Variants in IFT81 observed in about 807,000 individuals in gnomAD.
IFT81 encodes intraflagellar transport 81, also known as intraflagellar transport protein 81 homolog.
IFT81 carries 72 observed loss-of-function variants against 102.6 expected under a neutral mutation model. The ratio of observed to expected loss-of-function variants is 0.70; its 90% CI spans 0.58 to 0.85. The LOEUF (loss-of-function observed/expected upper bound fraction) is 0.85, where lower values mean the gene tolerates loss of function less well. Ranked by LOEUF, IFT81 falls within the 40% of genes least tolerant of loss-of-function variation. IFT81 has a pLI of 0.00. For missense variants in IFT81, 723 were observed against 787.3 expected (o/e 0.92, Z 0.98); for synonymous variants, 237 against 242.7 (o/e 0.98, Z 0.22).
intron 11 of IFT81, among the ~76,000 whole-genome samples, chr12:110,179,044 G>A (rs1442757386): frequency 1.3e-5 from 2 of 152,022 alleles, no homozygotes; most frequent in African/African-American, 4.8e-5. Flanking sequence ...TTGATATGAT[G>A]GGTAGGTAAA....
At chr12:110,184,257 G>A (rs1269827148) in intron 12 of IFT81, among the ~76,000 whole-genome samples, 1 of 152,162 alleles carries the variant, frequency 6.6e-6, no homozygotes, top group African/African-American at 2.4e-5. Context: ...GGCTGAGGCA[G>A]GAGAATGGCG....
intron 18 of IFT81, among the ~76,000 whole-genome samples, chr12:110,214,287 A>T (rs1336216767): frequency 6.0e-5 from 9 of 150,412 alleles, no homozygotes; most frequent in African/African-American, 2.2e-4. Flanking sequence ...TTTTTTTGAG[A>T]TAGAGACTCA....
intron 10 of IFT81, among the ~76,000 whole-genome samples, chr12:110,161,562 G>A (rs1248002725): frequency 6.6e-6 from 1 of 151,946 alleles, no homozygotes; most frequent in Non-Finnish European, 1.5e-5. Context: ...TCCTATCTCA[G>A]CCTGCCAAGT....
At chr12:110,181,301 G>A (rs770621002) in intron 12 of IFT81, among the ~76,000 whole-genome samples, 2 of 152,180 alleles carry the variant, frequency 1.3e-5, no homozygotes, top group Admixed American at 6.5e-5. Flanking sequence ...GATTCTAACA[G>A]CACTAACTTT....
rs11286720 is a variant in IFT81, at chr12:110,212,242, T to TAAAAA, written c.1848+3040_1848+3044dup. Among the ~76,000 whole-genome samples the TAAAAA allele has an allele frequency of 3.6e-5, 5 of 139,784 alleles. No individual in the cohort carries two copies. The East Asian group carries it at 1.1e-3, about 30-fold the overall frequency. 91.7% of individuals were successfully genotyped at this position (139,784 alleles called of 152,430 possible). On this transcript the variant is annotated intron_variant, in intron 18 of 18. Transcript: ENST00000242591. ...AATAAAGGTGATATGTTCCTTACTT[T>TAAAAA]AAAAAAAAAAAAAAAAAACTTGGCT...
At chr12:110,204,141 T>G in intron 15 of IFT81, 191 bp downstream of exon 15, 1 of 498,342 alleles carries the variant, frequency 2.0e-6, no homozygotes, top group Non-Finnish European at 3.6e-6. Flanking sequence ...AAAAAAAATG[T>G]TTTAAATACT....
intron 18 of IFT81, chr12:110,216,610 A>G: frequency 2.2e-6 from 1 of 451,302 alleles, no homozygotes; most frequent in Non-Finnish European, 4.4e-6. Context: ...TTCCAGGTTC[A>G]AGCAATTCTC....
intron 18 of IFT81, chr12:110,216,677 AT>A: frequency 2.3e-6 from 1 of 432,438 alleles, no homozygotes; most frequent in Non-Finnish European, 4.6e-6. Context: ...TGTCCGGCTA[AT>A]TTTTGTATTT....
intron 9 of IFT81, among the ~76,000 whole-genome samples, chr12:110,145,114 C>T (rs7134047): frequency 6.3e-4 from 94 of 150,076 alleles, no homozygotes; most frequent in African/African-American, 2.2e-3. Context: ...CTCACTGCAG[C>T]CTCCATCTCC....
chr12:110,135,039 C>G, intron 6 of IFT81, 26 bp downstream of exon 6: 17 of 1,550,256 alleles, frequency 1.1e-5, no homozygotes, highest in Non-Finnish European at 1.5e-5. Flanking sequence ...TACTGTAAGA[C>G]TTTGGCCCCA....
intron 11 of IFT81, among the ~76,000 whole-genome samples, chr12:110,165,829 C>T (rs1566135655): frequency 6.6e-6 from 1 of 152,142 alleles, no homozygotes; most frequent in African/African-American, 2.4e-5. Flanking sequence ...TCTTTATTAT[C>T]TCTAGGAAAG....
rs1365439707 is a variant in IFT81 at position 110,180,420 on chromosome 12, A to T, written c.1189-2A>T. 6 of 1,579,070 alleles carry T rather than the reference A, an allele frequency of 3.8e-6. No individual in the cohort carries two copies. Among genetic ancestry groups the T allele is most frequent in the Non-Finnish European group, 3.5e-6 (4 of 1,154,896 alleles). ...AGATTACATATTGTGTTTTTTTTAC[A>T]GTTCAAACGATATGTCAATAAACTT... On this transcript the variant is annotated splice_acceptor_variant, in intron 11 of 18. Transcript: ENST00000242591. LOFTEE classifies it high-confidence loss of function.
chr12:110,184,206 C>T (rs1044731243), intron 12 of IFT81, among the ~76,000 whole-genome samples: 26 of 151,986 alleles, frequency 1.7e-4, no homozygotes, highest in African/African-American at 5.3e-4. Context: ...AAAAATTATC[C>T]GGGCGTGGTG....
Position 110,143,559 on chromosome 12 carries a change from A to G in IFT81, c.945+14A>G, listed in dbSNP as rs1593293712. On this transcript the variant is annotated intron_variant, in intron 9 of 18. Coordinates refer to ENST00000242591, the MANE Select transcript of IFT81 (RefSeq NM_014055.4). ...CTTGAATCTAAAGTAAGTGAGAATC[A>G]TCTTTTTATAGCTCTCAATTTTATC... 1 of 1,531,858 alleles carries G rather than the reference A, an allele frequency of 6.5e-7. No homozygotes were observed. Among genetic ancestry groups the G allele is most frequent in the Middle Eastern group, 1.7e-4 (1 of 5,862 alleles). The allele number at this position is 1,531,858 out of a possible 1,614,324, so 94.9% of individuals were successfully genotyped here.
chr12:110,139,038 A>G (rs1014755236), intron 8 of IFT81, among the ~76,000 whole-genome samples: 1 of 152,142 alleles, frequency 6.6e-6, no homozygotes, highest in African/African-American at 2.4e-5. Flanking sequence ...AAATCGACAT[A>G]TAATAAACCA....
At chr12:110,215,579 G>A (rs536346949) in intron 18 of IFT81, among the ~76,000 whole-genome samples, 5 of 142,606 alleles carry the variant, frequency 3.5e-5, no homozygotes, top group South Asian at 2.2e-4. Context: ...TTCTTGCCTC[G>A]GCCTCCTGAG....
chr12:110,151,369 T>A (rs1353857860), intron 10 of IFT81, among the ~76,000 whole-genome samples: 1 of 152,240 alleles, frequency 6.6e-6, no homozygotes. Context: ...TCATTCCTTT[T>A]TAATTGCTGA....
intron 1 of IFT81, 122 bp from the exon 2 acceptor site, chr12:110,127,238 C>A: frequency 1.1e-6 from 1 of 951,324 alleles, no homozygotes; most frequent in Non-Finnish European, 1.5e-6. Flanking sequence ...CTTTTCACAG[C>A]ATTTTGTATG....
At chr12:110,137,688 A>G (rs1894602466) in intron 8 of IFT81, among the ~76,000 whole-genome samples, 1 of 152,096 alleles carries the variant, frequency 6.6e-6, no homozygotes, top group Admixed American at 6.6e-5. Context: ...GTGAGCCGAG[A>G]TCGCGCCATT....
Sources: gnomAD v4.1 joint callset for allele counts (sites outside exome capture counted in the v4.1 genomes callset) on GRCh38, gnomAD v4.1.1 for gene constraint, MANE v1.5 for transcripts, NCBI Gene and HGNC (gene_info 2026-07-23, HGNC 2026-07-21) for gene names.